VAV2: variants seen among roughly 807,000 people sequenced by gnomAD.
The protein encoded by VAV2 is vav guanine nucleotide exchange factor 2, also known as guanine nucleotide exchange factor VAV2.
Under a neutral mutation model 132.5 loss-of-function variants are expected in VAV2, and 67 were observed. The observed-to-expected ratio is 0.51, with a 90% CI of 0.42 to 0.62. The LOEUF (loss-of-function observed/expected upper bound fraction) is 0.62. VAV2 is among the 20% of genes least tolerant of loss of function. The pLI is 0.00. For missense variants in VAV2, 938 were observed against 1,153.6 expected (o/e 0.81, Z 2.71); for synonymous variants, 492 against 443.5 (o/e 1.11, Z -1.37).
intron 3 of VAV2, among the ~76,000 whole-genome samples, chr9:133,837,562 G>T (rs567871627): frequency 6.6e-6 from 1 of 152,152 alleles, no homozygotes; most frequent in Non-Finnish European, 1.5e-5. Flanking sequence ...AGCCGGGCGC[G>T]GTGGTGGGCG....
At position 133,823,345 on chromosome 9, in the gene VAV2, G is replaced by A. The variant is rs918738360; in HGVS notation, c.449+10927C>T. Among the ~76,000 whole-genome samples the A allele has an allele frequency of 1.6e-4, 25 of 152,230 alleles. No homozygotes were observed. Among genetic ancestry groups the A allele is most frequent in the African/African-American group, 5.5e-4 (23 of 41,456 alleles). ...ACTTCAATTCAGCCTGGTAGGGTTG[G>A]GGGCTGCCTCTTAGAGAAGGTGACC... On this transcript the variant is annotated intron_variant, in intron 4 of 29. Coordinates refer to ENST00000371850, the MANE Select transcript of VAV2 (RefSeq NM_001134398.2). This position sits in a 1 kb window ranked among gnomAD's most constrained non-coding sequence, Gnocchi z 5.5.
chr9:133,785,526 C>G (rs537074838), intron 17 of VAV2, among the ~76,000 whole-genome samples: 3 of 152,308 alleles, frequency 2.0e-5, no homozygotes, highest in South Asian at 4.1e-4. Context: ...TCCAGCAGGA[C>G]AGCGGAGCCT....
chr9:133,887,745 G>A (rs557902011), intron 2 of VAV2, among the ~76,000 whole-genome samples: 22 of 152,190 alleles, frequency 1.4e-4, no homozygotes, highest in South Asian at 4.1e-4. Flanking sequence ...AGCCTGACAC[G>A]GCGATCAGCG....
intron 1 of VAV2, among the ~76,000 whole-genome samples, chr9:133,957,542 A>C (rs551976287): frequency 6.6e-6 from 1 of 152,198 alleles, no homozygotes; most frequent in East Asian, 1.9e-4. Context: ...CCCCGGCTGC[A>C]GGGCAGGGCG....
chr9:133,852,468 G>A lies in VAV2; in HGVS notation c.380+8906C>T, dbSNP rs1837226028. ...AGAAAAGCAATAATAAAATCCATTAGATGAGCCAGAGAAGTATTCTCAGTG... is the reference window on the plus strand; with the variant it reads ...AGAAAAGCAATAATAAAATCCATTAAATGAGCCAGAGAAGTATTCTCAGTG... On this transcript the variant is annotated intron_variant, in intron 3 of 29. Transcript: ENST00000371850. 2.6e-5 allele frequency among the ~76,000 whole-genome samples: 4 copies of A among 152,126 alleles called. No individual in the cohort carries two copies. In the South Asian group the frequency reaches 8.3e-4, roughly 32 times the overall value.
chr9:133,922,837 AAAAC>A (rs1361517956), intron 2 of VAV2, among the ~76,000 whole-genome samples: 1 of 152,228 alleles, frequency 6.6e-6, no homozygotes, highest in Non-Finnish European at 1.5e-5. Context: ...AACAAAAACG[AAAAC>A]AGACAAATGA....
intron 1 of VAV2, among the ~76,000 whole-genome samples, chr9:133,940,686 T>C (rs113177861): frequency 0.016 from 2,354 of 149,746 alleles, 52 homozygotes; most frequent in African/African-American, 0.055. Context: ...TGTGTGTGTG[T>C]GTGTGTGTGT....
In VAV2 at chr9:133,789,265, G is replaced by C. The variant is rs574299407; in HGVS notation, c.1267C>G (p.Gln423Glu). The change falls in exon 14 of 30, where the codon CAG (glutamine) becomes GAG (glutamate). Residue 423 changes from glutamine (Q) to glutamate (E), a missense_variant. Coordinates refer to ENST00000371850, the MANE Select transcript of VAV2 (RefSeq NM_001134398.2). ...AACACGCGCCCTGCTCACCTGTCCTGCTTGGTGTGGTTGACTATGGACCGG... is the reference window on the plus strand; with the variant it reads ...AACACGCGCCCTGCTCACCTGTCCTCCTTGGTGTGGTTGACTATGGACCGG... ...KVRSIVNHTKQDRYLFLFDKV... is the reference protein window; with the variant it reads ...KVRSIVNHTKEDRYLFLFDKV... 6.2e-7 allele frequency: 1 copy of C among 1,614,138 alleles called. No individual in the cohort carries two copies. The highest frequency in any genetic ancestry group is 1.7e-5 in the Admixed American group (1 of 60,024).
chr9:133,795,796 C>T (rs1834689038), intron 11 of VAV2, 60 bp from the exon 12 acceptor site: 1 of 1,573,162 alleles, frequency 6.4e-7, no homozygotes, highest in Admixed American at 1.7e-5. Context: ...TCTGCCCTGG[C>T]CCCTACCTGG....
chr9:133,803,236 G>A (rs188552808), intron 9 of VAV2, among the ~76,000 whole-genome samples: 164 of 152,290 alleles, frequency 1.1e-3, no homozygotes, highest in African/African-American at 3.8e-3. Flanking sequence ...CGTGGCCTTC[G>A]TCTCGTTCTG....
chr9:133,947,653 C>T (rs193170155), intron 1 of VAV2, among the ~76,000 whole-genome samples: 1,925 of 147,930 alleles, frequency 0.013, 42 homozygotes, highest in African/African-American at 0.045. Context: ...GAGCCGAGAT[C>T]ATGCCATTGC....
In VAV2 at chr9:133,802,348, ACACACAC is replaced by A. The variant is rs1312896723; in HGVS notation, c.836+3726_836+3732del. On this transcript the variant is annotated intron_variant, in intron 9 of 29. Coordinates refer to ENST00000371850, the MANE Select transcript of VAV2 (RefSeq NM_001134398.2). The surrounding 1 kb of genome is among the most constrained non-coding windows in gnomAD (Gnocchi z 5.8). ...TACACACACACACACACACACACAC[ACACACAC>A]GACTTCATGCATTCCTGGTCTGGTT... 1.3e-5 allele frequency among the ~76,000 whole-genome samples: 2 copies of A among 148,918 alleles called. No homozygotes were observed. Among genetic ancestry groups the A allele is most frequent in the African/African-American group, 5.1e-5 (2 of 39,314 alleles).
intron 1 of VAV2, among the ~76,000 whole-genome samples, chr9:133,943,283 G>A (rs144127241): frequency 9.2e-5 from 14 of 152,304 alleles, no homozygotes; most frequent in Admixed American, 2.0e-4. Flanking sequence ...GGCAGGGACC[G>A]GACCCAAGGC....
Position 133,784,345 on chromosome 9 carries a change from T to C in VAV2, c.1606A>G (p.Asn536Asp), listed in dbSNP as rs1360828074. ...FQMYTFDKTT[N>D]CKACKMFLRG... ...AGGAACATTTTGCAGGCTTTGCAGT[T>C]GGTGGTCTTGTCAAACGTGTACATC... Residue 536 changes from asparagine (N) to aspartate (D), a missense_variant, in exon 18 of 30, where the codon AAC becomes GAC. By Grantham distance (23) the Asn-to-Asp change is conservative (BLOSUM62 1). Transcript: ENST00000371850. 6.2e-7 allele frequency: 1 copy of C among 1,614,162 alleles called. No individual in the cohort carries two copies. The highest frequency in any genetic ancestry group is 8.5e-7 in the Non-Finnish European group (1 of 1,180,010).
At position 133,834,436 on chromosome 9, in the gene VAV2, A is replaced by G; in HGVS notation, c.381-96T>C. 1 of 1,291,690 alleles carries G rather than the reference A, an allele frequency of 7.7e-7. No individual in the cohort carries two copies. Among genetic ancestry groups the G allele is most frequent in the Non-Finnish European group, 1.1e-6 (1 of 923,388 alleles). The allele number at this position is 1,291,690 out of a possible 1,614,324, so 80.0% of individuals were successfully genotyped here. A position where few individuals can be genotyped will look rare whatever the true frequency, so the allele number is the denominator to read the frequency against. ...CCCACAGCAGAGCCCAGTGTGGCCCAGCCAGGAGCAAAGGGGCTCTTGTCC... is the reference window on the plus strand; with the variant it reads ...CCCACAGCAGAGCCCAGTGTGGCCCGGCCAGGAGCAAAGGGGCTCTTGTCC... On this transcript the variant is annotated intron_variant, in intron 3 of 29. Coordinates refer to ENST00000371850, the MANE Select transcript of VAV2 (RefSeq NM_001134398.2). The surrounding 1 kb of genome is among the most constrained non-coding windows in gnomAD (Gnocchi z 5.9).
At chr9:133,877,917 G>A (rs1564428558) in intron 2 of VAV2, among the ~76,000 whole-genome samples, 1 of 152,252 alleles carries the variant, frequency 6.6e-6, no homozygotes, top group Non-Finnish European at 1.5e-5. Flanking sequence ...CACAGGACAG[G>A]AAGGTGCGTG....
chr9:133,868,459 A>G (rs1435620475), intron 2 of VAV2, among the ~76,000 whole-genome samples: 1 of 152,186 alleles, frequency 6.6e-6, no homozygotes, highest in Non-Finnish European at 1.5e-5. Flanking sequence ...AGATGGGGAT[A>G]ACAGTGTCTA....
At chr9:133,888,658 G>A (rs1300820457) in intron 2 of VAV2, among the ~76,000 whole-genome samples, 1 of 152,148 alleles carries the variant, frequency 6.6e-6, no homozygotes. Flanking sequence ...TCGTGGACAC[G>A]ATAAGACCAA....
chr9:133,849,722 C>T (rs938953782), intron 3 of VAV2, among the ~76,000 whole-genome samples: 1 of 152,164 alleles, frequency 6.6e-6, no homozygotes, highest in African/African-American at 2.4e-5. Flanking sequence ...CTCAGGTGGG[C>T]TCCATGTGTT....
Sources: gnomAD v4.1 joint callset for allele counts (sites outside exome capture counted in the v4.1 genomes callset) on GRCh38, gnomAD v4.1.1 for gene constraint, Gnocchi (gnomAD v3.1) non-coding constraint, MANE v1.5 for transcripts, NCBI Gene and HGNC (gene_info 2026-07-23, HGNC 2026-07-21) for gene names.